Variants in TRIO observed in about 807,000 individuals in gnomAD.
TRIO encodes trio Rho guanine nucleotide exchange factor.
TRIO carries 58 observed loss-of-function variants against 351.9 expected under a neutral mutation model. The ratio of observed to expected loss-of-function variants is 0.16; its 90% CI spans 0.13 to 0.21. The LOEUF (loss-of-function observed/expected upper bound fraction) is 0.21. TRIO is among the 10% of genes least tolerant of loss of function. The pLI, the probability that TRIO is intolerant of heterozygous loss-of-function variation, is 1.00. For missense variants in TRIO, 3,201 were observed against 4,027.8 expected, an observed-to-expected ratio of 0.79 and a Z score of 5.56; for synonymous variants, 1,758 against 1,595.7, an observed-to-expected ratio of 1.10 and a Z score of -2.42.
intron 9 of TRIO, among the ~76,000 whole-genome samples, chr5:14,322,263 T>C (rs1739956602): frequency 1.3e-5 from 2 of 152,228 alleles, no homozygotes; most frequent in African/African-American, 2.4e-5. Context: ...AGTTGCTTCA[T>C]TTCTTTTAAA....
intron 35 of TRIO, 55 bp downstream of exon 35, chr5:14,461,366 C>T: frequency 2.1e-6 from 3 of 1,450,462 alleles, no homozygotes; most frequent in Non-Finnish European, 2.7e-6. Flanking sequence ...TGGGCTTTTG[C>T]TGCAAGAATA....
intron 34 of TRIO, among the ~76,000 whole-genome samples, chr5:14,440,005 A>G (rs1360877974): frequency 6.6e-6 from 1 of 152,230 alleles, no homozygotes; most frequent in African/African-American, 2.4e-5. Context: ...TTATTATGCA[A>G]CAAATGTGGA....
intron 34 of TRIO, among the ~76,000 whole-genome samples, chr5:14,429,767 A>G (rs1385836222): frequency 1.3e-5 from 2 of 152,206 alleles, no homozygotes; most frequent in Non-Finnish European, 2.9e-5. Context: ...GGTACACATA[A>G]CCATTTTTAT....
intron 34 of TRIO, among the ~76,000 whole-genome samples, chr5:14,439,362 T>A (rs1751844015): frequency 6.6e-6 from 1 of 152,220 alleles, no homozygotes; most frequent in Non-Finnish European, 1.5e-5. Flanking sequence ...TTCCCATACA[T>A]CTTTAGCCAA....
chr5:14,484,927 TG>T (rs1367323496), intron 46 of TRIO, 141 bp from the exon 47 acceptor site: 2 of 731,718 alleles, frequency 2.7e-6, no homozygotes, highest in African/African-American at 3.6e-5. Context: ...TCGTATTGTG[TG>T]TCGGAATTTC....
intron 41 of TRIO, among the ~76,000 whole-genome samples, chr5:14,478,348 A>G (rs944484903): frequency 2.0e-5 from 3 of 152,286 alleles, no homozygotes; most frequent in African/African-American, 7.2e-5. Flanking sequence ...GGTGCCAGCA[A>G]TTTCACCCAC....
chr5:14,357,139 A>T (rs1743683678), intron 11 of TRIO, among the ~76,000 whole-genome samples: 1 of 152,208 alleles, frequency 6.6e-6, no homozygotes, highest in Non-Finnish European at 1.5e-5. Context: ...GAAACAGAAG[A>T]CCACATGCAC....
At chr5:14,210,193 G>A (rs967933915) in intron 1 of TRIO, among the ~76,000 whole-genome samples, 7 of 152,244 alleles carry the variant, frequency 4.6e-5, no homozygotes, top group African/African-American at 1.7e-4. Flanking sequence ...GAACGGGGAA[G>A]TTCTGTGTAG....
At chr5:14,414,175 C>G (rs1011623931) in intron 33 of TRIO, among the ~76,000 whole-genome samples, 2 of 152,316 alleles carry the variant, frequency 1.3e-5, no homozygotes, top group Non-Finnish European at 2.9e-5. Flanking sequence ...GCCCTCGTTC[C>G]CTTTTCCACT....
At chr5:14,195,491 T>C (rs1280651670) in intron 1 of TRIO, among the ~76,000 whole-genome samples, 1 of 152,222 alleles carries the variant, frequency 6.6e-6, no homozygotes, top group Non-Finnish European at 1.5e-5. Context: ...TGATAACTTT[T>C]TTCTTTGTAA....
At chr5:14,454,117 C>T (rs1371972768) in intron 34 of TRIO, among the ~76,000 whole-genome samples, 1 of 152,134 alleles carries the variant, frequency 6.6e-6, no homozygotes, top group African/African-American at 2.4e-5. Context: ...TTAGTAGAAA[C>T]AGGGTTTCAT....
intron 29 of TRIO, among the ~76,000 whole-genome samples, chr5:14,398,440 A>T (rs1006391688): frequency 6.6e-6 from 1 of 152,180 alleles, no homozygotes; most frequent in Non-Finnish European, 1.5e-5. Flanking sequence ...TCTGGGAAGG[A>T]TGCTCTGGGC....
chr5:14,380,457 G>T (rs1746000893), intron 20 of TRIO, among the ~76,000 whole-genome samples: 2 of 152,154 alleles, frequency 1.3e-5, no homozygotes, highest in Non-Finnish European at 1.5e-5. Flanking sequence ...CCCTGGCCAT[G>T]TCCCCTTGCC....
At chr5:14,157,465 C>T (rs2152118847) in intron 1 of TRIO, among the ~76,000 whole-genome samples, 3 of 150,632 alleles carry the variant, frequency 2.0e-5, no homozygotes, top group Admixed American at 2.0e-4. Context: ...GTCTCCCTCT[C>T]TCTCCCTGTC....
intron 13 of TRIO, 73 bp from the exon 14 acceptor site, chr5:14,363,659 C>T (rs1744348035): frequency 7.0e-7 from 1 of 1,422,370 alleles, no homozygotes; most frequent in Non-Finnish European, 9.7e-7. Context: ...TCTCTTCCTT[C>T]CTTACTTGGT....
chr5:14,189,457 A>G (rs1790328292), intron 1 of TRIO, among the ~76,000 whole-genome samples: 1 of 152,254 alleles, frequency 6.6e-6, no homozygotes, highest in African/African-American at 2.4e-5. Flanking sequence ...GGCGGAAAGA[A>G]GGGTTAATCC....
At chr5:14,382,955 CTG>C (rs977908690) in intron 21 of TRIO, among the ~76,000 whole-genome samples, 1 of 151,614 alleles carries the variant, frequency 6.6e-6, no homozygotes, top group Non-Finnish European at 1.5e-5. Context: ...GTGTGTGTGT[CTG>C]TGTGTGTGTT....
intron 8 of TRIO, among the ~76,000 whole-genome samples, chr5:14,310,778 T>A (rs1738853002): frequency 6.6e-6 from 1 of 152,238 alleles, no homozygotes; most frequent in African/African-American, 2.4e-5. Flanking sequence ...CTCTGCCTCC[T>A]GGGTTCAAGC....
intron 34 of TRIO, among the ~76,000 whole-genome samples, chr5:14,455,069 C>T (rs560649321): frequency 7.9e-5 from 12 of 152,180 alleles, no homozygotes; most frequent in Middle Eastern, 3.4e-3. Flanking sequence ...TGCAGACCTT[C>T]GCGGTGAGTG....
Sources: allele counts gnomAD v4.1 joint callset (sites outside exome capture counted in the v4.1 genomes callset), GRCh38; gene constraint gnomAD v4.1.1; transcripts MANE v1.5; gene names NCBI Gene and HGNC (gene_info 2026-07-23, HGNC 2026-07-21).